SV2C: variants seen among roughly 807,000 people sequenced by gnomAD.
SV2C encodes synaptic vesicle glycoprotein 2C, also known as solute carrier family 22 member B3.
In SV2C, 49 loss-of-function variants were observed where a neutral mutation model predicts 79.7. The ratio of observed to expected loss-of-function variants is 0.61; its 90% CI spans 0.49 to 0.78. SV2C has a LOEUF of 0.78. SV2C is among the 30% of genes least tolerant of loss of function. The pLI, the probability that SV2C is intolerant of heterozygous loss-of-function variation, is 0.00. For missense variants in SV2C, 833 were observed against 912.9 expected, an observed-to-expected ratio of 0.91 and a Z score of 1.13; for synonymous variants, 334 against 333.2, an observed-to-expected ratio of 1.00 and a Z score of -0.03.
chr5:75,946,404 C>T, the SV2C span, among the ~76,000 whole-genome samples: 1 of 152,102 alleles, frequency 6.6e-6, no homozygotes, highest in Non-Finnish European at 1.5e-5. Flanking sequence ...AATTTCTGAA[C>T]TCTCTAGTCA....
chr5:76,131,037 A>T (rs866010122), intron 1 of SV2C, among the ~76,000 whole-genome samples: 2 of 152,194 alleles, frequency 1.3e-5, no homozygotes, highest in South Asian at 4.1e-4. Flanking sequence ...ATATGACACT[A>T]TGCTATGGGA....
chr5:76,254,192 A>G (rs376823764), intron 4 of SV2C, among the ~76,000 whole-genome samples: 19 of 149,160 alleles, frequency 1.3e-4, no homozygotes, highest in East Asian at 1.2e-3. Context: ...GTGTGTGTGT[A>G]TATATATATG....
chr5:76,300,189 T>TA (rs1747939545), intron 10 of SV2C, among the ~76,000 whole-genome samples: 1 of 148,884 alleles, frequency 6.7e-6, no homozygotes, highest in Non-Finnish European at 1.5e-5. Context: ...TTATTATTAT[T>TA]ATTTTTGTAG....
chr5:75,954,813 A>C, the SV2C span, among the ~76,000 whole-genome samples: 2 of 146,192 alleles, frequency 1.4e-5, no homozygotes, highest in East Asian at 2.0e-4. Context: ...AAGAGAATAA[A>C]ATACCTAGGA....
At chr5:76,253,045 TAG>T (rs1457607952) in intron 4 of SV2C, among the ~76,000 whole-genome samples, 1 of 152,234 alleles carries the variant, frequency 6.6e-6, no homozygotes, top group Non-Finnish European at 1.5e-5. Context: ...GCTCAATCGA[TAG>T]AGTTTTATCA....
At chr5:76,111,188 G>C (rs550296095) in intron 1 of SV2C, among the ~76,000 whole-genome samples, 16 of 152,202 alleles carry the variant, frequency 1.1e-4, no homozygotes, top group Middle Eastern at 6.8e-3. Flanking sequence ...GAGGAGAAGT[G>C]GGGACGGATT....
At chr5:75,852,833 A>G in the SV2C span, among the ~76,000 whole-genome samples, 2 of 147,144 alleles carry the variant, frequency 1.4e-5, no homozygotes, top group Non-Finnish European at 3.0e-5. Context: ...CTCAAAAAAA[A>G]AAAAAAAAAA....
chr5:75,877,513 C>G, the SV2C span, among the ~76,000 whole-genome samples: 1 of 150,632 alleles, frequency 6.6e-6, no homozygotes. Context: ...TATGTTGGAT[C>G]ATTTTTTAAA....
intron 4 of SV2C, among the ~76,000 whole-genome samples, chr5:76,249,210 A>G (rs6879020): frequency 0.44 from 66,554 of 152,030 alleles, 14,851 homozygotes; most frequent in Middle Eastern, 0.49. Context: ...AGCTGCTTCT[A>G]TCATATCTTG....
the SV2C span, among the ~76,000 whole-genome samples, chr5:76,026,229 C>CAA: frequency 3.3e-4 from 48 of 147,316 alleles, no homozygotes; most frequent in South Asian, 0.01. Flanking sequence ...CACACACACA[C>CAA]ACACACACAC....
At chr5:76,050,973 AT>A in the SV2C span, among the ~76,000 whole-genome samples, 6 of 152,260 alleles carry the variant, frequency 3.9e-5, no homozygotes, top group Non-Finnish European at 8.8e-5. Flanking sequence ...AAAGTAAAGT[AT>A]GAATACATAT....
the SV2C span, among the ~76,000 whole-genome samples, chr5:75,938,052 G>A: frequency 6.6e-6 from 1 of 152,160 alleles, no homozygotes; most frequent in African/African-American, 2.4e-5. Flanking sequence ...TAACAGATGT[G>A]TAATACCCAA....
At chr5:76,282,185 C>T (rs1747218102) in intron 4 of SV2C, among the ~76,000 whole-genome samples, 1 of 152,148 alleles carries the variant, frequency 6.6e-6, no homozygotes, top group Admixed American at 6.5e-5. Flanking sequence ...AATGGCAATG[C>T]AGATATAATA....
At chr5:75,918,004 C>T in the SV2C span, among the ~76,000 whole-genome samples, 2 of 152,056 alleles carry the variant, frequency 1.3e-5, no homozygotes, top group Non-Finnish European at 2.9e-5. Flanking sequence ...GAAGTTATTG[C>T]CTTATTTTTC....
chr5:75,887,232 C>G, the SV2C span, among the ~76,000 whole-genome samples: 17 of 151,956 alleles, frequency 1.1e-4, no homozygotes, highest in African/African-American at 4.1e-4. Context: ...TTAAAATCTA[C>G]TCTTTTAGCT....
At chr5:76,295,536 G>T (rs140063173) in intron 8 of SV2C, among the ~76,000 whole-genome samples, 1 of 152,180 alleles carries the variant, frequency 6.6e-6, no homozygotes, top group African/African-American at 2.4e-5. Context: ...CCCAAAGGAA[G>T]GGTTTAGGAA....
chr5:76,109,621 C>A (rs1270322144), intron 1 of SV2C, among the ~76,000 whole-genome samples: 1 of 152,082 alleles, frequency 6.6e-6, no homozygotes, highest in Non-Finnish European at 1.5e-5. Flanking sequence ...ACTAATATGA[C>A]TGGTGTCCTT....
intron 12 of SV2C, among the ~76,000 whole-genome samples, chr5:76,348,932 G>C (rs1749593544): frequency 6.6e-6 from 1 of 152,070 alleles, no homozygotes; most frequent in Admixed American, 6.5e-5. Flanking sequence ...CCAGGAGGCA[G>C]AGTTTGCAGC....
At chr5:76,307,606 T>C (rs1339898991) in intron 12 of SV2C, among the ~76,000 whole-genome samples, 2 of 152,192 alleles carry the variant, frequency 1.3e-5, no homozygotes, top group Non-Finnish European at 2.9e-5. Context: ...GAATACTTTT[T>C]CAGTGCTGCC....
Sources: allele counts gnomAD v4.1 joint callset (sites outside exome capture counted in the v4.1 genomes callset), GRCh38; gene constraint gnomAD v4.1.1; transcripts MANE v1.5; gene names NCBI Gene and HGNC (gene_info 2026-07-23, HGNC 2026-07-21).